The following CYRIB variants were observed in gnomAD, a reference collection of about 807,000 sequenced individuals.
CYRIB encodes CYFIP-related Rac1 interactor B.
Under a neutral mutation model 44.2 loss-of-function variants are expected in CYRIB, and 8 were observed. The ratio of observed to expected loss-of-function variants is 0.18; its 90% confidence interval spans 0.11 to 0.33. The LOEUF is 0.33. CYRIB is among the 10% of genes least tolerant of loss of function. The pLI, the probability that CYRIB is intolerant of heterozygous loss-of-function variation, is 1.00. For synonymous variants in CYRIB, 131 were observed against 127.2 expected (o/e 1.03, Z -0.20); for missense variants, 185 against 382.8 (o/e 0.48, Z 4.31).
chr8:129,865,811 A>G (rs1257868899), intron 4 of CYRIB, among the ~76,000 whole-genome samples: 4 of 151,184 alleles, frequency 2.6e-5, no homozygotes, highest in Non-Finnish European at 5.9e-5. Flanking sequence ...TTTACAAACT[A>G]CTAATCAATG....
At chr8:129,932,579 T>A (rs1441391591) in intron 1 of CYRIB, among the ~76,000 whole-genome samples, 1 of 152,226 alleles carries the variant, frequency 6.6e-6, no homozygotes, top group African/African-American at 2.4e-5. Flanking sequence ...TGGCTACTAC[T>A]ATTATAGAGA....
At chr8:129,883,988 G>A (rs2061759536) in intron 2 of CYRIB, among the ~76,000 whole-genome samples, 1 of 152,188 alleles carries the variant, frequency 6.6e-6, no homozygotes, top group Admixed American at 6.5e-5. Context: ...GTGGGCGGAT[G>A]TGGCAGTCAT....
chr8:129,918,881 G>T (rs1348064101), intron 1 of CYRIB, among the ~76,000 whole-genome samples: 1 of 152,214 alleles, frequency 6.6e-6, no homozygotes, highest in Admixed American at 6.5e-5. Flanking sequence ...GGAAAAGAGA[G>T]ATAAGGAGAG....
At chr8:129,843,250 T>C (rs915314016) in intron 11 of CYRIB, among the ~76,000 whole-genome samples, 4 of 152,108 alleles carry the variant, frequency 2.6e-5, no homozygotes, top group Admixed American at 6.5e-5. Flanking sequence ...AGGCCATACA[T>C]AGTAAGGAGT....
intron 3 of CYRIB, among the ~76,000 whole-genome samples, chr8:129,872,897 A>C (rs2057845916): frequency 6.6e-6 from 1 of 152,054 alleles, no homozygotes; most frequent in Non-Finnish European, 1.5e-5. Flanking sequence ...TCCTTTACTT[A>C]GAACATTGTA....
At chr8:129,851,151 GAAC>G in intron 8 of CYRIB, 1 of 487,882 alleles carries the variant, frequency 2.0e-6, no homozygotes. Context: ...AGCAATGTAA[GAAC>G]AACTGCAACA....
intron 2 of CYRIB, among the ~76,000 whole-genome samples, chr8:129,963,606 A>AGATG (rs931586951): frequency 3.9e-5 from 6 of 152,256 alleles, no homozygotes; most frequent in African/African-American, 1.4e-4. Flanking sequence ...CAGGCAGTGA[A>AGATG]GATGGAATTA....
chr8:129,975,886 C>T (rs547003442), intron 1 of CYRIB, among the ~76,000 whole-genome samples: 1 of 152,226 alleles, frequency 6.6e-6, no homozygotes, highest in South Asian at 2.1e-4. Context: ...GGGAAGCACC[C>T]CAGCACCATA....
At chr8:129,939,092 C>T (rs1207439424) in intron 1 of CYRIB, among the ~76,000 whole-genome samples, 2 of 152,028 alleles carry the variant, frequency 1.3e-5, no homozygotes, top group African/African-American at 4.8e-5. Flanking sequence ...ATAAAGACAC[C>T]AACTTCAAAA....
chr8:129,986,345 C>T (rs950783487), intron 1 of CYRIB, among the ~76,000 whole-genome samples: 4 of 152,218 alleles, frequency 2.6e-5, no homozygotes, highest in Non-Finnish European at 5.9e-5. Flanking sequence ...AGGCCACTCA[C>T]TCTATCCCAG....
intron 1 of CYRIB, among the ~76,000 whole-genome samples, chr8:129,974,056 G>A (rs2095821341): frequency 1.3e-5 from 2 of 152,072 alleles, no homozygotes; most frequent in African/African-American, 4.8e-5. Flanking sequence ...CTGAAAATGA[G>A]CACTGCCCAG....
intron 1 of CYRIB, among the ~76,000 whole-genome samples, chr8:129,918,853 C>T (rs117741220): frequency 5.3e-5 from 8 of 152,054 alleles, no homozygotes; most frequent in African/African-American, 1.7e-4. Context: ...TGTCATTCTG[C>T]TAAAATGATT....
At chr8:129,881,706 G>A (rs1041011760) in intron 2 of CYRIB, among the ~76,000 whole-genome samples, 4 of 152,186 alleles carry the variant, frequency 2.6e-5, no homozygotes, top group African/African-American at 4.8e-5. Flanking sequence ...TGGGGGAGGT[G>A]GAGATCTATC....
At chr8:129,889,230 C>G (rs149571016) in intron 2 of CYRIB, among the ~76,000 whole-genome samples, 25 of 152,252 alleles carry the variant, frequency 1.6e-4, no homozygotes, top group African/African-American at 5.8e-4. Context: ...CTAAGCCCAC[C>G]ATTGAGCCCT....
intron 1 of CYRIB, among the ~76,000 whole-genome samples, chr8:129,977,463 G>A (rs1025879382): frequency 2.0e-5 from 3 of 151,930 alleles, no homozygotes; most frequent in Non-Finnish European, 4.4e-5. Flanking sequence ...TCAATAATAA[G>A]GTACAAAATG....
At chr8:129,880,235 G>A (rs975792545) in intron 2 of CYRIB, 4 of 301,316 alleles carry the variant, frequency 1.3e-5, no homozygotes, top group Admixed American at 6.5e-5. Flanking sequence ...GTTTGCCTAC[G>A]ATTAAGAAAA....
chr8:129,925,843 G>A (rs1393132520), intron 1 of CYRIB, among the ~76,000 whole-genome samples: 1 of 152,158 alleles, frequency 6.6e-6, no homozygotes, highest in Non-Finnish European at 1.5e-5. Context: ...TGGAGGGGGA[G>A]TACTCCCCAT....
At chr8:129,854,380 C>G (rs780635311) in intron 6 of CYRIB, 37 bp from the exon 9 acceptor site, 1 of 1,443,180 alleles carries the variant, frequency 6.9e-7, no homozygotes, top group South Asian at 1.2e-5. Context: ...ATGTTATGTA[C>G]TAAATGCTAA....
chr8:129,998,593 C>CG (rs2096835220), intron 1 of CYRIB, among the ~76,000 whole-genome samples: 1 of 151,700 alleles, frequency 6.6e-6, no homozygotes, highest in Non-Finnish European at 1.5e-5. Flanking sequence ...TATGGCTCCC[C>CG]GGGGGGGTTG....
Sources: allele counts gnomAD v4.1 joint callset (sites outside exome capture counted in the v4.1 genomes callset), GRCh38; gene constraint gnomAD v4.1.1; transcripts MANE v1.5; gene names NCBI Gene and HGNC (gene_info 2026-07-23, HGNC 2026-07-21).